PAK1: variants seen among roughly 807,000 people sequenced by gnomAD.
PAK1 encodes p21 (RAC1) activated kinase 1.
Under a neutral mutation model 67.4 loss-of-function variants are expected in PAK1, and 29 were observed. That is an observed-to-expected ratio of 0.43 (90% CI 0.32 to 0.59). The LOEUF is 0.59. Ranked by LOEUF, PAK1 falls within the 20% of genes least tolerant of loss-of-function variation. The probability of loss-of-function intolerance (pLI) is 0.07; values close to 1 mark genes in which losing one functional copy is unlikely to be tolerated. For synonymous variants in PAK1, 223 were observed against 237.4 expected (o/e 0.94, Z 0.56); for missense variants, 337 against 670.7 (o/e 0.50, Z 5.50).
chr11:77,408,251 T>C (rs1203935436), intron 1 of PAK1: 1 of 152,154 alleles, frequency 6.6e-6, no homozygotes, highest in African/African-American at 2.4e-5. Flanking sequence ...ATAATTAGCA[T>C]AGAGTAGATG....
At chr11:77,491,095 C>A in the PAK1 span, among the ~76,000 whole-genome samples, 13 of 150,694 alleles carry the variant, frequency 8.6e-5, no homozygotes, top group South Asian at 2.7e-3. Flanking sequence ...GCCAAATCCC[C>A]CTCTGTGAGA....
At chr11:77,382,198 T>C (rs1484786164) in intron 2 of PAK1, among the ~76,000 whole-genome samples, 1 of 152,196 alleles carries the variant, frequency 6.6e-6, no homozygotes, top group African/African-American at 2.4e-5. Context: ...TAAGAAACTT[T>C]GGTAAAGGAG....
At chr11:77,419,131 G>A (rs573969784) in intron 1 of PAK1, among the ~76,000 whole-genome samples, 1 of 152,258 alleles carries the variant, frequency 6.6e-6, no homozygotes, top group Non-Finnish European at 1.5e-5. Flanking sequence ...TTTAGTTCCC[G>A]CTGATGAAAC....
chr11:77,373,657 C>T (rs1948726493), intron 5 of PAK1, among the ~76,000 whole-genome samples: 1 of 151,446 alleles, frequency 6.6e-6, no homozygotes, highest in Admixed American at 6.6e-5. Context: ...ACATTTTATC[C>T]CTGTAAGTGC....
chr11:77,426,048 G>A (rs1283388858), intron 1 of PAK1, among the ~76,000 whole-genome samples: 1 of 147,978 alleles, frequency 6.8e-6, no homozygotes, highest in Non-Finnish European at 1.5e-5. Context: ...ACTGCACCAA[G>A]CCCATTCTTG....
the PAK1 span, among the ~76,000 whole-genome samples, chr11:77,504,680 C>A: frequency 6.6e-6 from 1 of 152,080 alleles, no homozygotes; most frequent in Non-Finnish European, 1.5e-5. Flanking sequence ...TTTATGGACA[C>A]CTGAAAGAGG....
the PAK1 span, among the ~76,000 whole-genome samples, chr11:77,529,769 GA>G: frequency 9.1e-4 from 138 of 152,262 alleles, no homozygotes; most frequent in African/African-American, 3.1e-3. Context: ...TCCAAGAAAA[GA>G]AAAAACCCAT....
At chr11:77,339,004 A>G in intron 11 of PAK1, among the ~76,000 whole-genome samples, 1 of 152,140 alleles carries the variant, frequency 6.6e-6, no homozygotes, top group Admixed American at 6.6e-5. Context: ...AAAATTCATT[A>G]TGATGGTGGC....
At chr11:77,434,427 G>A (rs1292250808) in intron 1 of PAK1, among the ~76,000 whole-genome samples, 2 of 151,734 alleles carry the variant, frequency 1.3e-5, no homozygotes, top group African/African-American at 2.4e-5. Context: ...TCTTTTAGGA[G>A]GACAAAATAT....
At chr11:77,345,862 T>C in intron 9 of PAK1, among the ~76,000 whole-genome samples, 1 of 152,188 alleles carries the variant, frequency 6.6e-6, no homozygotes, top group East Asian at 1.9e-4. Context: ...CATGCCATCT[T>C]GGAGGATGGG....
In PAK1 at chr11:77,465,109, C is replaced by T. The variant is rs79444494; in HGVS notation, c.-22+8443G>A. 2.9e-3 allele frequency among the ~76,000 whole-genome samples: 440 copies of T among 152,012 alleles called. 5 individuals are homozygous for T. The highest frequency in any genetic ancestry group is 0.02 in the East Asian group (104 of 5,180). ...CACATAGTCAACTAAGTCAATTATC[C>T]GGCAAGTGGCAATGGATAGTAAAAA... is the stretch of plus-strand genomic sequence containing the variant. On this transcript the variant is annotated intron_variant, in intron 1 of 14. Coordinates refer to ENST00000356341, the MANE Select transcript of PAK1 (RefSeq NM_002576.5).
intron 9 of PAK1, among the ~76,000 whole-genome samples, chr11:77,348,185 C>T (rs182549577): frequency 6.6e-6 from 1 of 152,296 alleles, no homozygotes; most frequent in Admixed American, 6.5e-5. Context: ...TTTCTAGCAG[C>T]CTCCCTCACA....
intron 1 of PAK1, among the ~76,000 whole-genome samples, chr11:77,422,509 C>G (rs568444503): frequency 1.3e-5 from 2 of 151,068 alleles, no homozygotes; most frequent in East Asian, 3.9e-4. Flanking sequence ...AAGCCGAGAT[C>G]GCGCCATTGG....
intron 2 of PAK1, among the ~76,000 whole-genome samples, chr11:77,390,628 C>G (rs1480769778): frequency 6.6e-6 from 1 of 150,978 alleles, no homozygotes; most frequent in Non-Finnish European, 1.5e-5. Flanking sequence ...TCCCAAGCAG[C>G]TGTTACTACA....
chr11:77,521,136 G>C, the PAK1 span, among the ~76,000 whole-genome samples: 1 of 152,104 alleles, frequency 6.6e-6, no homozygotes, highest in Non-Finnish European at 1.5e-5. Context: ...ATGCTCACTT[G>C]TGCTGTGCCT....
chr11:77,386,228 T>A (rs377480118), intron 2 of PAK1, among the ~76,000 whole-genome samples: 1,636 of 152,254 alleles, frequency 0.011, 12 homozygotes, highest in Non-Finnish European at 0.017. Context: ...TTTAAAAAAA[T>A]GATTTTTAAG....
chr11:77,326,853 T>A (rs1427825675), intron 14 of PAK1, among the ~76,000 whole-genome samples: 1 of 151,780 alleles, frequency 6.6e-6, no homozygotes, highest in Non-Finnish European at 1.5e-5. Flanking sequence ...AGGAGGAAAT[T>A]CGAATCAATG....
At chr11:77,371,585 T>G (rs947468274) in intron 5 of PAK1, among the ~76,000 whole-genome samples, 3 of 152,198 alleles carry the variant, frequency 2.0e-5, no homozygotes, top group African/African-American at 7.2e-5. Flanking sequence ...TCTTTCTGAG[T>G]CTTAATTTCT....
At chr11:77,501,497 C>T in the PAK1 span, among the ~76,000 whole-genome samples, 1 of 152,160 alleles carries the variant, frequency 6.6e-6, no homozygotes, top group East Asian at 1.9e-4. Context: ...CCTTGGGGAA[C>T]CACCCTTACC....
Sources: allele counts gnomAD v4.1 joint callset (sites outside exome capture counted in the v4.1 genomes callset), GRCh38; gene constraint gnomAD v4.1.1; transcripts MANE v1.5; gene names NCBI Gene and HGNC (gene_info 2026-07-23, HGNC 2026-07-21).